Variants in CSMD1 observed in about 807,000 individuals in gnomAD.
CSMD1 encodes the protein CUB and sushi domain-containing protein 1.
In CSMD1, 213 loss-of-function variants were observed where a neutral mutation model predicts 417.5. That is an observed-to-expected ratio of 0.51 (90% CI 0.46 to 0.57). The LOEUF (loss-of-function observed/expected upper bound fraction) is 0.57. CSMD1 is among the 20% of genes least tolerant of loss of function. CSMD1 has a pLI of 0.00. For synonymous variants in CSMD1, 2,862 were observed against 1,736.8 expected (o/e 1.65, Z -16.11); for missense variants, 6,923 against 4,529.7 (o/e 1.53, Z -15.17).
Position 2,938,311 on chromosome 8 carries a change from C to T in CSMD1, c.*274G>A, listed in dbSNP as rs1036824205. 5.3e-6 allele frequency: 2 copies of T among 377,742 alleles called. No homozygotes were observed. Among genetic ancestry groups the T allele is most frequent in the East Asian group, 4.3e-5 (1 of 23,498 alleles). 23.4% of individuals were successfully genotyped at this position (377,742 alleles called of 1,614,324 possible). On this transcript the variant is annotated 3_prime_UTR_variant, in exon 70 of 70. Transcript: ENST00000635120. ...CATTGAGTATGACGTGTTGGCGCGA[C>T]GTGGCAGTCTTCCTGGAGTGTGCCT...
intron 1 of CSMD1, among the ~76,000 whole-genome samples, chr8:4,863,108 G>A (rs949447224): frequency 6.6e-6 from 1 of 152,090 alleles, no homozygotes; most frequent in Non-Finnish European, 1.5e-5. Context: ...CAGTGGCTAG[G>A]ATCATGAAAA....
At chr8:4,137,472 T>A (rs1647355) in intron 3 of CSMD1, among the ~76,000 whole-genome samples, 33,183 of 130,982 alleles carry the variant, frequency 0.25, 11,072 homozygotes, top group Non-Finnish European at 0.36. Flanking sequence ...TAAAAGGTAA[T>A]TTTCACTACA....
At chr8:4,773,085 T>G (rs1486226821) in intron 1 of CSMD1, among the ~76,000 whole-genome samples, 2 of 152,184 alleles carry the variant, frequency 1.3e-5, no homozygotes, top group Non-Finnish European at 2.9e-5. Flanking sequence ...GATTTCAGAT[T>G]TTTTTCAGAT....
At chr8:3,040,318 T>G (rs1811000166) in intron 50 of CSMD1, among the ~76,000 whole-genome samples, 1 of 150,946 alleles carries the variant, frequency 6.6e-6, no homozygotes, top group East Asian at 1.9e-4. Context: ...AGCTTTAGTT[T>G]CTCAAATGGA....
At chr8:4,783,550 G>A (rs1454172863) in intron 1 of CSMD1, among the ~76,000 whole-genome samples, 2 of 152,178 alleles carry the variant, frequency 1.3e-5, no homozygotes, top group Non-Finnish European at 2.9e-5. Flanking sequence ...GCTTTCCCTG[G>A]TTCTAAGGAA....
At chr8:4,664,873 G>GTA (rs748718264) in intron 1 of CSMD1, among the ~76,000 whole-genome samples, 2 of 151,932 alleles carry the variant, frequency 1.3e-5, no homozygotes, top group Non-Finnish European at 2.9e-5. Context: ...AAAACACAAT[G>GTA]TATATATATT....
At chr8:3,633,441 T>G (rs1295664086) in intron 7 of CSMD1, among the ~76,000 whole-genome samples, 6 of 152,172 alleles carry the variant, frequency 3.9e-5, no homozygotes, top group Non-Finnish European at 8.8e-5. Context: ...GGCAGGATAA[T>G]GCAAATAATA....
chr8:4,059,482 C>T (rs1234649836), intron 3 of CSMD1, among the ~76,000 whole-genome samples: 1 of 152,056 alleles, frequency 6.6e-6, no homozygotes, highest in Non-Finnish European at 1.5e-5. Flanking sequence ...AATAACCCTT[C>T]AAAAAATTAA....
intron 5 of CSMD1, among the ~76,000 whole-genome samples, chr8:3,900,947 C>A (rs115128856): frequency 0.012 from 1,865 of 152,280 alleles, 35 homozygotes; most frequent in African/African-American, 0.043. Flanking sequence ...ACAAGAAGGT[C>A]TATAAAGGAC....
At chr8:4,144,578 A>G (rs1356342418) in intron 3 of CSMD1, among the ~76,000 whole-genome samples, 1 of 150,922 alleles carries the variant, frequency 6.6e-6, no homozygotes, top group Non-Finnish European at 1.5e-5. Flanking sequence ...TGGATTGCTC[A>G]GCTACTGTTA....
At chr8:4,620,357 G>A (rs1226286395) in intron 2 of CSMD1, among the ~76,000 whole-genome samples, 16 of 151,380 alleles carry the variant, frequency 1.1e-4, no homozygotes, top group Non-Finnish European at 1.5e-5. Flanking sequence ...TACTAACATA[G>A]ACATCAATAT....
At chr8:3,714,077 TATGTATATAATC>T (rs1489853222) in intron 6 of CSMD1, among the ~76,000 whole-genome samples, 1 of 144,690 alleles carries the variant, frequency 6.9e-6, no homozygotes. Flanking sequence ...CATACACACA[TATGTATATAATC>T]ATGTATATAT....
At chr8:3,209,944 G>A (rs1363854575) in intron 30 of CSMD1, among the ~76,000 whole-genome samples, 1 of 152,078 alleles carries the variant, frequency 6.6e-6, no homozygotes, top group Non-Finnish European at 1.5e-5. Flanking sequence ...ACCCATGAAA[G>A]GGGCTCAACT....
At chr8:4,251,288 A>G (rs959625383) in intron 3 of CSMD1, among the ~76,000 whole-genome samples, 1 of 152,194 alleles carries the variant, frequency 6.6e-6, no homozygotes, top group Non-Finnish European at 1.5e-5. Flanking sequence ...AAAAATGTTA[A>G]AAAGTACTGT....
chr8:3,984,220 A>G (rs1814135001), intron 5 of CSMD1, among the ~76,000 whole-genome samples: 1 of 138,658 alleles, frequency 7.2e-6, no homozygotes, highest in Non-Finnish European at 1.6e-5. Flanking sequence ...CCACCTGCAC[A>G]GTGAAGCCAT....
intron 3 of CSMD1, among the ~76,000 whole-genome samples, chr8:4,187,181 A>G (rs953403562): frequency 1.3e-5 from 2 of 152,162 alleles, no homozygotes; most frequent in African/African-American, 2.4e-5. Context: ...AGTTGCTTTA[A>G]AACAATCTGG....
At chr8:4,177,135 C>A (rs1798093573) in intron 3 of CSMD1, among the ~76,000 whole-genome samples, 1 of 152,134 alleles carries the variant, frequency 6.6e-6, no homozygotes, top group Non-Finnish European at 1.5e-5. Context: ...ACATGTTTTT[C>A]AGCACCACAC....
At chr8:3,476,209 G>C (rs1817408343) in intron 11 of CSMD1, among the ~76,000 whole-genome samples, 3 of 152,172 alleles carry the variant, frequency 2.0e-5, no homozygotes, top group African/African-American at 7.2e-5. Context: ...CAAAACAAGA[G>C]ATGGATAACA....
chr8:4,904,089 G>T (rs187091876), intron 1 of CSMD1, among the ~76,000 whole-genome samples: 2 of 152,202 alleles, frequency 1.3e-5, no homozygotes, highest in Admixed American at 1.3e-4. Context: ...AAAAGAACCA[G>T]GATAGGATAG....
Sources: allele counts gnomAD v4.1 joint callset (sites outside exome capture counted in the v4.1 genomes callset), GRCh38; gene constraint gnomAD v4.1.1; transcripts MANE v1.5; gene names NCBI Gene and HGNC (gene_info 2026-07-23, HGNC 2026-07-21).